Variants in NLRP5 observed in about 807,000 individuals in gnomAD.
NLRP5 encodes NACHT, LRR and PYD domains-containing protein 5.
NLRP5 carries 93 observed loss-of-function variants against 113.1 expected under a neutral mutation model. That is an observed-to-expected ratio of 0.82 (90% CI 0.70 to 0.98). The LOEUF (loss-of-function observed/expected upper bound fraction) is 0.98, where lower values mean the gene tolerates loss of function less well. Ranked by LOEUF, NLRP5 falls within the 50% of genes least tolerant of loss-of-function variation. The pLI is 0.00. For missense variants in NLRP5, 1,808 were observed against 1,514.3 expected, an observed-to-expected ratio of 1.19 and a Z score of -3.22; for synonymous variants, 751 against 600.7, an observed-to-expected ratio of 1.25 and a Z score of -3.66.
Position 56,059,738 on chromosome 19 carries a change from C to T in NLRP5, c.3470+1328C>T, listed in dbSNP as rs536527163. On this transcript the variant is annotated intron_variant, in intron 14 of 14. Coordinates refer to ENST00000390649, the MANE Select transcript of NLRP5 (RefSeq NM_153447.4). ...TTAGTAGAGAAGAGTTTTCACCAGG[C>T]TGGTCTCAAATTCCTGACCTCATAT... Among the ~76,000 whole-genome samples the T allele has an allele frequency of 2.6e-5, 4 of 152,222 alleles. No homozygotes were observed. The South Asian group carries it at 8.3e-4, about 32-fold the overall frequency.
chr19:56,057,226 T>A (rs973975011), intron 13 of NLRP5, among the ~76,000 whole-genome samples: 3 of 152,208 alleles, frequency 2.0e-5, no homozygotes, highest in African/African-American at 7.2e-5. Context: ...TCATTAGTAT[T>A]TTAGTATATC....
intron 6 of NLRP5, among the ~76,000 whole-genome samples, chr19:56,024,452 TAC>T (rs1212058764): frequency 4.1e-5 from 6 of 146,586 alleles, no homozygotes; most frequent in South Asian, 2.1e-4. Flanking sequence ...TATTTATATA[TAC>T]GTACATACAT....
the NLRP5 span, among the ~76,000 whole-genome samples, chr19:55,989,807 C>A: frequency 6.6e-6 from 1 of 152,152 alleles, no homozygotes; most frequent in African/African-American, 2.4e-5. Flanking sequence ...GGTCTTCAGT[C>A]TTGCTGTTTT....
chr19:56,028,018 C>T lies in NLRP5; in HGVS notation c.1785C>T (p.Tyr595=). 1 of 1,614,038 alleles carries T rather than the reference C, an allele frequency of 6.2e-7. No homozygotes were observed. Residue 595 remains tyrosine, a synonymous_variant, in exon 7 of 15, where the codon TAC becomes TAT. Coordinates refer to ENST00000390649, the MANE Select transcript of NLRP5 (RefSeq NM_153447.4). ...TCCAGGACTTCTGTGCCGCCTTGTA[C>T]TACGTGTTAGAGGGCCTGGAAATCG...
chr19:56,010,593 G>GA (rs112910632), intron 3 of NLRP5, among the ~76,000 whole-genome samples: 50,166 of 147,390 alleles, frequency 0.34, 8,929 homozygotes, highest in Non-Finnish European at 0.41. Context: ...AAAAATACAG[G>GA]AAAAAAAAAA....
intron 9 of NLRP5, among the ~76,000 whole-genome samples, chr19:56,036,814 G>A (rs746788571): frequency 2.0e-5 from 3 of 151,986 alleles, no homozygotes; most frequent in Non-Finnish European, 2.9e-5. Flanking sequence ...AAAATTAGTC[G>A]GGCATGATGG....
Position 56,020,380 on chromosome 19 carries a change from T to G in NLRP5, c.628T>G (p.Ser210Ala), listed in dbSNP as rs749386670. The change falls in exon 6 of 15, where the codon TCA becomes GCA. Residue 210 changes from serine to alanine, a missense_variant. Physicochemically the swap from Ser to Ala is moderately conservative, Grantham distance 99. Coordinates refer to ENST00000390649, the MANE Select transcript of NLRP5 (RefSeq NM_153447.4). ...TGGAATTCATTCTTTTGCAGAAATT[T>G]CACAAGCTATGGAACAAGAAGGTGC... 1 of 1,612,472 alleles carries G rather than the reference T, an allele frequency of 6.2e-7. No homozygotes were observed. Among genetic ancestry groups the G allele is most frequent in the Non-Finnish European group, 8.5e-7 (1 of 1,179,028 alleles).
intron 11 of NLRP5, among the ~76,000 whole-genome samples, chr19:56,042,165 A>G (rs1983546432): frequency 6.6e-6 from 1 of 152,298 alleles, no homozygotes; most frequent in South Asian, 2.1e-4. Context: ...TGATTTGGAG[A>G]ATTACCAACA....
intron 11 of NLRP5, among the ~76,000 whole-genome samples, chr19:56,048,979 A>ATTTTTTTTTTTTTTTTTTT (rs60229740): frequency 1.1e-5 from 1 of 94,976 alleles, no homozygotes; most frequent in African/African-American, 4.4e-5. Context: ...TTTTTTTTTA[A>ATTTTTTTTTTTTTTTTTTT]TTTTTTTTTT....
intron 13 of NLRP5, among the ~76,000 whole-genome samples, chr19:56,055,783 G>A (rs942218424): frequency 4.6e-5 from 7 of 151,760 alleles, no homozygotes; most frequent in South Asian, 2.1e-4. Context: ...CTGACCTCAT[G>A]ATCTGCCCGC....
At chr19:56,058,550 C>T (rs958705856) in intron 14 of NLRP5, 140 bp downstream of exon 14, 88 of 692,828 alleles carry the variant, frequency 1.3e-4, no homozygotes, top group African/African-American at 1.1e-3. Flanking sequence ...GTGCCCACTA[C>T]GTTCTGAGTA....
At chr19:56,040,443 C>T (rs1252767292) in intron 10 of NLRP5, among the ~76,000 whole-genome samples, 2 of 152,132 alleles carry the variant, frequency 1.3e-5, no homozygotes, top group African/African-American at 4.8e-5. Context: ...TGGTGCATGC[C>T]TATGATCCCA....
chr19:56,041,982 A>C (rs921875821), intron 11 of NLRP5, among the ~76,000 whole-genome samples: 1 of 152,096 alleles, frequency 6.6e-6, no homozygotes, highest in Non-Finnish European at 1.5e-5. Context: ...TTGCCCACAA[A>C]AAGCACAAAA....
intron 11 of NLRP5, 69 bp downstream of exon 11, chr19:56,041,161 C>T (rs1983508893): frequency 6.6e-7 from 1 of 1,503,884 alleles, no homozygotes; most frequent in Admixed American, 1.8e-5. Flanking sequence ...GCTCTCAAAG[C>T]AGAAGGCAGT....
At chr19:56,039,202 G>A (rs147378686) in intron 10 of NLRP5, among the ~76,000 whole-genome samples, 4 of 152,310 alleles carry the variant, frequency 2.6e-5, no homozygotes, top group Admixed American at 6.5e-5. Flanking sequence ...ACAGTTGGAC[G>A]GTGCTCAGAT....
intron 11 of NLRP5, among the ~76,000 whole-genome samples, chr19:56,044,067 CTTT>C (rs35674471): frequency 1.4e-5 from 2 of 139,870 alleles, no homozygotes. Flanking sequence ...AGTCTTAGGT[CTTT>C]TTTTTTTTTT....
chr19:56,024,365 A>G (rs1982731084), intron 6 of NLRP5, among the ~76,000 whole-genome samples: 1 of 139,802 alleles, frequency 7.2e-6, no homozygotes, highest in East Asian at 2.0e-4. Context: ...AAGAACAAAT[A>G]TATATATATG....
At chr19:56,009,232 T>A (rs148918904) in intron 3 of NLRP5, among the ~76,000 whole-genome samples, 3,950 of 146,590 alleles carry the variant, frequency 0.027, 66 homozygotes, top group Middle Eastern at 0.036. Context: ...CCCAGCTACT[T>A]GGGAGGTGGA....
At chr19:56,060,956 CT>C (rs1984330807) in intron 14 of NLRP5, among the ~76,000 whole-genome samples, 1 of 152,088 alleles carries the variant, frequency 6.6e-6, no homozygotes, top group African/African-American at 2.4e-5. Context: ...GGGAGTAGAT[CT>C]TGAGATTAGT....
Sources: allele counts gnomAD v4.1 joint callset (sites outside exome capture counted in the v4.1 genomes callset), GRCh38; gene constraint gnomAD v4.1.1; transcripts MANE v1.5; gene names NCBI Gene and HGNC (gene_info 2026-07-23, HGNC 2026-07-21).